Variants in RELN observed in about 807,000 individuals in gnomAD.
RELN encodes reelin.
A neutral mutation model predicts 427.6 loss-of-function variants in RELN; 108 were observed. The ratio of observed to expected loss-of-function variants is 0.25; its 90% confidence interval spans 0.22 to 0.30. The LOEUF (loss-of-function observed/expected upper bound fraction) is 0.30. Among genes scored for constraint, RELN ranks in the 10% least tolerant of loss-of-function variants. The probability of loss-of-function intolerance (pLI) is 1.00; values close to 1 mark genes in which losing one functional copy is unlikely to be tolerated. For missense variants in RELN, 3,715 were observed against 4,302.8 expected, an observed-to-expected ratio of 0.86 and a Z score of 3.82; for synonymous variants, 1,524 against 1,513.4, an observed-to-expected ratio of 1.01 and a Z score of -0.16.
chr7:103,649,685 A>G (rs1403184918), intron 16 of RELN, among the ~76,000 whole-genome samples: 1 of 152,058 alleles, frequency 6.6e-6, no homozygotes. Context: ...CATTGTCATA[A>G]GTGGTATCGA....
At chr7:103,473,703 G>A (rs1827935792) in intron 64 of RELN, among the ~76,000 whole-genome samples, 1 of 152,154 alleles carries the variant, frequency 6.6e-6, no homozygotes, top group Non-Finnish European at 1.5e-5. Context: ...GTAGGAAACT[G>A]TACAATACTA....
At chr7:103,913,015 T>A (rs1268376490) in intron 2 of RELN, among the ~76,000 whole-genome samples, 1 of 152,136 alleles carries the variant, frequency 6.6e-6, no homozygotes, top group African/African-American at 2.4e-5. Context: ...AAATGAGGTA[T>A]TTCAAATCAG....
intron 2 of RELN, among the ~76,000 whole-genome samples, chr7:103,887,835 G>A (rs1389205806): frequency 6.6e-6 from 1 of 152,144 alleles, no homozygotes; most frequent in Non-Finnish European, 1.5e-5. Flanking sequence ...AACTGGGGAA[G>A]TTCTTCCATT....
intron 3 of RELN, among the ~76,000 whole-genome samples, chr7:103,828,139 A>G (rs1354979277): frequency 3.3e-5 from 5 of 151,976 alleles, no homozygotes; most frequent in South Asian, 2.1e-4. Context: ...CAACCATGCA[A>G]TATTTTCTGA....
intron 3 of RELN, among the ~76,000 whole-genome samples, chr7:103,789,789 T>C (rs1792111534): frequency 1.3e-5 from 2 of 152,296 alleles, no homozygotes; most frequent in Middle Eastern, 6.8e-3. Flanking sequence ...TCCTCAAGGA[T>C]ATAGAACTAG....
intron 2 of RELN, among the ~76,000 whole-genome samples, chr7:103,859,584 C>T (rs1251952095): frequency 2.0e-5 from 3 of 152,146 alleles, no homozygotes; most frequent in Non-Finnish European, 4.4e-5. Flanking sequence ...TGAGCCACGG[C>T]ACCCGGCCAA....
intron 10 of RELN, among the ~76,000 whole-genome samples, chr7:103,684,994 A>C (rs1451386871): frequency 6.6e-6 from 1 of 152,190 alleles, no homozygotes; most frequent in Non-Finnish European, 1.5e-5. Flanking sequence ...CAACAGGTAA[A>C]AATACTGCAA....
chr7:103,519,262 G>T, intron 49 of RELN, 61 bp downstream of exon 49: 2 of 1,328,150 alleles, frequency 1.5e-6, no homozygotes, highest in Non-Finnish European at 2.2e-6. Context: ...TCCCGTGACT[G>T]ATTGCTGGTA....
In RELN at chr7:103,495,844, G is replaced by A. The variant is rs1828825003; in HGVS notation, c.9248C>T (p.Ala3083Val). ...AAAGGATGGATTGCCACAAAATCCTGCTGTCCTTACAGCATTAGGGTAAAA... is the reference window on the plus strand; with the variant it reads ...AAAGGATGGATTGCCACAAAATCCTACTGTCCTTACAGCATTAGGGTAAAA... ...WSFYPNAVRT[A>V]GFCGNPSFHL... is the part of the protein sequence containing the mutation. Residue 3083 changes from alanine (A) to valine (V), a missense_variant, in exon 57 of 65, where the codon GCA (alanine) becomes GTA (valine). Ala to Val is a moderately conservative substitution (Grantham distance 64, BLOSUM62 0). Transcript: ENST00000428762. 2 of 1,613,764 alleles carry A rather than the reference G, an allele frequency of 1.2e-6. No homozygotes were observed.
intron 62 of RELN, 35 bp downstream of exon 62, chr7:103,483,618 G>A: frequency 6.3e-7 from 1 of 1,598,250 alleles, no homozygotes; most frequent in Non-Finnish European, 8.6e-7. Context: ...AAGGGATTGT[G>A]CATGAGACCA....
intron 15 of RELN, among the ~76,000 whole-genome samples, 187 bp from the exon 16 acceptor site, chr7:103,650,570 T>C (rs888999233): frequency 6.6e-6 from 1 of 152,130 alleles, no homozygotes; most frequent in Non-Finnish European, 1.5e-5. Context: ...TGTAAAAACA[T>C]CCACGGTATG....
At chr7:103,607,450 C>T (rs1307200080) in intron 22 of RELN, among the ~76,000 whole-genome samples, 1 of 152,280 alleles carries the variant, frequency 6.6e-6, no homozygotes, top group Non-Finnish European at 1.5e-5. Flanking sequence ...TCCCTCAATA[C>T]AAATATTTAA....
chr7:103,587,349 C>T (rs1392700373), intron 28 of RELN, among the ~76,000 whole-genome samples: 1 of 152,076 alleles, frequency 6.6e-6, no homozygotes, highest in Admixed American at 6.6e-5. Flanking sequence ...GAAACTGGAC[C>T]CATATCTCTC....
chr7:103,638,453 C>T (rs1262651007), intron 17 of RELN, among the ~76,000 whole-genome samples: 10 of 151,980 alleles, frequency 6.6e-5, no homozygotes, highest in South Asian at 2.1e-4. Flanking sequence ...CAGTAAAACA[C>T]GGGGGAGAGG....
intron 2 of RELN, among the ~76,000 whole-genome samples, chr7:103,859,408 C>T (rs1794020496): frequency 6.6e-6 from 1 of 152,150 alleles, no homozygotes; most frequent in South Asian, 2.1e-4. Flanking sequence ...ATTATCCTGC[C>T]TCAGCCTCCT....
At chr7:103,475,216 C>CTT (rs551981579) in intron 64 of RELN, among the ~76,000 whole-genome samples, 1 of 133,758 alleles carries the variant, frequency 7.5e-6, no homozygotes, top group African/African-American at 3.6e-5. Context: ...TATAAGTGAA[C>CTT]TTTTTTTTTT....
intron 50 of RELN, 109 bp from the exon 51 acceptor site, chr7:103,511,114 T>C: frequency 1.3e-6 from 1 of 744,656 alleles, no homozygotes. Flanking sequence ...ACTGCTCATA[T>C]TATATACACT....
intron 21 of RELN, among the ~76,000 whole-genome samples, chr7:103,611,192 T>A (rs1386162622): frequency 6.6e-6 from 1 of 152,190 alleles, no homozygotes; most frequent in African/African-American, 2.4e-5. Context: ...ATGTATGAAT[T>A]TTATTCCCAG....
chr7:103,781,385 C>T (rs117259762), intron 3 of RELN, among the ~76,000 whole-genome samples: 3,491 of 152,100 alleles, frequency 0.023, 61 homozygotes, highest in Non-Finnish European at 0.033. Flanking sequence ...TTGCTAAAAG[C>T]ACAGTAACTC....
Sources: allele counts gnomAD v4.1 joint callset (sites outside exome capture counted in the v4.1 genomes callset), GRCh38; gene constraint gnomAD v4.1.1; transcripts MANE v1.5; gene names NCBI Gene and HGNC (gene_info 2026-07-23, HGNC 2026-07-21).